The following C1orf21 variants were observed in gnomAD, a reference collection of about 807,000 sequenced individuals.
The protein encoded by C1orf21 is chromosome 1 open reading frame 21.
A neutral mutation model predicts 18.7 loss-of-function variants in C1orf21; 3 were observed. The observed-to-expected ratio is 0.16, with a 90% CI of 0.07 to 0.42. The LOEUF (loss-of-function observed/expected upper bound fraction) is 0.42. Ranked by LOEUF, C1orf21 falls within the 10% of genes least tolerant of loss-of-function variation. The pLI, the probability that C1orf21 is intolerant of heterozygous loss-of-function variation, is 0.99. For synonymous variants in C1orf21, 41 were observed against 46.4 expected, an observed-to-expected ratio of 0.88 and a Z score of 0.47; for missense variants, 104 against 143.6, an observed-to-expected ratio of 0.72 and a Z score of 1.41.
rs1655910767 is a variant in C1orf21, at chr1:184,387,810, A to G, written c.-125+442A>G. Among the ~76,000 whole-genome samples, 1 of 152,174 alleles carries G rather than the reference A, an allele frequency of 6.6e-6. No individual in the cohort carries two copies. The highest frequency in any genetic ancestry group is 6.5e-5 in the Admixed American group (1 of 15,280). Reference sequence around the variant, plus strand: ...GCCAGAGCTTGAAAGGAAAAACACAATTTAGGATCCTTTGCTAAGTATCCA... The same window carrying G: ...GCCAGAGCTTGAAAGGAAAAACACAGTTTAGGATCCTTTGCTAAGTATCCA... On this transcript the variant is annotated intron_variant, in intron 1 of 5. Coordinates refer to ENST00000235307, the MANE Select transcript of C1orf21 (RefSeq NM_030806.4). The surrounding 1 kb of genome is among the most constrained non-coding windows in gnomAD (Gnocchi z 5.6).
At chr1:184,451,770 TG>T (rs1159180853) in intron 1 of C1orf21, among the ~76,000 whole-genome samples, 1 of 152,172 alleles carries the variant, frequency 6.6e-6, no homozygotes, top group African/African-American at 2.4e-5. Flanking sequence ...TTCTCCCAAA[TG>T]AGCATATTGC....
At chr1:184,423,868 T>C (rs1203209899) in intron 1 of C1orf21, among the ~76,000 whole-genome samples, 1 of 148,486 alleles carries the variant, frequency 6.7e-6, no homozygotes, top group Non-Finnish European at 1.5e-5. Context: ...CGTCCATCCA[T>C]CCATCCATCC....
chr1:184,573,672 T>C (rs1405670507), intron 3 of C1orf21, among the ~76,000 whole-genome samples: 2 of 152,082 alleles, frequency 1.3e-5, no homozygotes, highest in Non-Finnish European at 2.9e-5. Context: ...AACAGTTACT[T>C]TGAAAAAATA....
intron 3 of C1orf21, among the ~76,000 whole-genome samples, chr1:184,554,631 T>C (rs1393979248): frequency 1.3e-5 from 2 of 152,340 alleles, no homozygotes; most frequent in East Asian, 3.9e-4. Flanking sequence ...TTAACTGGCT[T>C]ATAGTGCCTC....
At position 184,620,973 on chromosome 1, in the gene C1orf21, C is replaced by T. The variant is rs1453266552; in HGVS notation, c.*1417C>T. ...TAAATGCCACGCCAGCAGTCCGGGTCTGGGTTTGTCCCACAAAATCACAGG... is the reference window on the plus strand; with the variant it reads ...TAAATGCCACGCCAGCAGTCCGGGTTTGGGTTTGTCCCACAAAATCACAGG... On this transcript the variant is annotated 3_prime_UTR_variant, in exon 6 of 6. Coordinates refer to ENST00000235307, the MANE Select transcript of C1orf21 (RefSeq NM_030806.4). The T allele has an allele frequency of 6.6e-6, 1 of 151,462 alleles. No individual in the cohort carries two copies. The highest frequency in any genetic ancestry group is 1.5e-5 in the Non-Finnish European group (1 of 67,954). 9.4% of individuals were successfully genotyped at this position (151,462 alleles called of 1,614,324 possible). A position where few individuals can be genotyped will look rare whatever the true frequency, so the allele number is the denominator to read the frequency against.
rs1660004916 is a variant in C1orf21, at chr1:184,626,072, GCCTTTCC to G, written c.*6517_*6523del. Reference sequence around the variant, plus strand: ...ACCCAGGTATAGCATTTTTAGCATTGCCTTTCCAGTCTTGATGATTCATTCATTGAAC... The same window carrying G: ...ACCCAGGTATAGCATTTTTAGCATTGAGTCTTGATGATTCATTCATTGAAC... On this transcript the variant is annotated 3_prime_UTR_variant, in exon 6 of 6. Transcript: ENST00000235307. 1 of 152,124 alleles carries G rather than the reference GCCTTTCC, an allele frequency of 6.6e-6. No individual in the cohort carries two copies. Among genetic ancestry groups the G allele is most frequent in the Non-Finnish European group, 1.5e-5 (1 of 68,040 alleles). The allele number at this position is 152,124 out of a possible 1,614,324, so 9.4% of individuals were successfully genotyped here. A position where few individuals can be genotyped will look rare whatever the true frequency, so the allele number is the denominator to read the frequency against.
Position 184,524,847 on chromosome 1 carries a change from G to A in C1orf21, c.189+17165G>A, listed in dbSNP as rs190462682. On this transcript the variant is annotated intron_variant, in intron 3 of 5. Coordinates refer to ENST00000235307, the MANE Select transcript of C1orf21 (RefSeq NM_030806.4). ...TGCTTCAACCTAAAGGCAGCTTGTA[G>A]TCTAGTAAATGATGAGAGAATTGAG... Among the ~76,000 whole-genome samples, 875 of 152,196 alleles carry A rather than the reference G, an allele frequency of 5.7e-3. 8 individuals are homozygous for A. Among genetic ancestry groups the A allele is most frequent in the South Asian group, 0.026 (123 of 4,822 alleles).
At chr1:184,536,068 G>A (rs1413442983) in intron 3 of C1orf21, among the ~76,000 whole-genome samples, 3 of 152,080 alleles carry the variant, frequency 2.0e-5, no homozygotes, top group African/African-American at 7.2e-5. Context: ...TTAATCTCAT[G>A]GCCATTAACA....
Position 184,619,603 on chromosome 1 carries a change from T to C in C1orf21, c.*47T>C, listed in dbSNP as rs769782929. ...CAGGAGCTACTACTGTGTAAATAGG[T>C]TACACCCCAGTTGAAATCTTTGCAA... On this transcript the variant is annotated 3_prime_UTR_variant, in exon 6 of 6. Transcript: ENST00000235307. The C allele has an allele frequency of 1.3e-6, 2 of 1,571,264 alleles. No individual in the cohort carries two copies. The highest frequency in any genetic ancestry group is 1.7e-6 in the Non-Finnish European group (2 of 1,149,734).
chr1:184,430,842 T>TG (rs1171473084), intron 1 of C1orf21, among the ~76,000 whole-genome samples: 1 of 152,230 alleles, frequency 6.6e-6, no homozygotes, highest in Non-Finnish European at 1.5e-5. Context: ...GGCAGCTTGA[T>TG]GGGGATAGCA....
At chr1:184,530,632 C>G (rs1458343309) in intron 3 of C1orf21, among the ~76,000 whole-genome samples, 2 of 104,198 alleles carry the variant, frequency 1.9e-5, no homozygotes, top group African/African-American at 7.6e-5. Flanking sequence ...CTGGGGTTCA[C>G]TTCTATTTCT....
chr1:184,557,505 G>T (rs183518743), intron 3 of C1orf21, among the ~76,000 whole-genome samples: 1 of 152,130 alleles, frequency 6.6e-6, no homozygotes, highest in South Asian at 2.1e-4. Flanking sequence ...ACAATGTTTG[G>T]TTTTGTATTC....
intron 5 of C1orf21, among the ~76,000 whole-genome samples, chr1:184,608,613 A>G (rs1449687180): frequency 6.6e-6 from 1 of 152,204 alleles, no homozygotes; most frequent in Non-Finnish European, 1.5e-5. Context: ...TGTGTTTCAT[A>G]ATTCAGTAAG....
At chr1:184,437,235 A>C (rs978869908) in intron 1 of C1orf21, among the ~76,000 whole-genome samples, 2 of 152,112 alleles carry the variant, frequency 1.3e-5, no homozygotes, top group African/African-American at 4.8e-5. Context: ...TTCTGGAAAC[A>C]AAATCATCCT....
At chr1:184,446,662 G>A (rs1442765173) in intron 1 of C1orf21, among the ~76,000 whole-genome samples, 1 of 151,800 alleles carries the variant, frequency 6.6e-6, no homozygotes. Context: ...AGAGACTAAA[G>A]ACACTTGTCA....
chr1:184,432,725 C>T (rs1032638118), intron 1 of C1orf21, among the ~76,000 whole-genome samples: 3 of 151,946 alleles, frequency 2.0e-5, no homozygotes, highest in Non-Finnish European at 4.4e-5. Context: ...AAAAATACAG[C>T]CCCATGTCCT....
At chr1:184,533,343 G>A (rs1462574706) in intron 3 of C1orf21, among the ~76,000 whole-genome samples, 1 of 152,000 alleles carries the variant, frequency 6.6e-6, no homozygotes, top group Admixed American at 6.6e-5. Flanking sequence ...TTTGCTCTAG[G>A]CCCCTACTTC....
intron 1 of C1orf21, among the ~76,000 whole-genome samples, chr1:184,472,988 G>A (rs188432664): frequency 6.6e-6 from 1 of 152,208 alleles, no homozygotes; most frequent in African/African-American, 2.4e-5. Context: ...TGGGAAAAAT[G>A]TCCTGTAAAG....
At chr1:184,578,510 T>G (rs1659226539) in intron 3 of C1orf21, among the ~76,000 whole-genome samples, 1 of 152,224 alleles carries the variant, frequency 6.6e-6, no homozygotes, top group African/African-American at 2.4e-5. Flanking sequence ...CAAGTGGCAT[T>G]TAGCATAATT....
Sources: allele counts gnomAD v4.1 joint callset (sites outside exome capture counted in the v4.1 genomes callset), GRCh38; gene constraint gnomAD v4.1.1; non-coding constraint Gnocchi (gnomAD v3.1); transcripts MANE v1.5; gene names NCBI Gene and HGNC (gene_info 2026-07-23, HGNC 2026-07-21).